CAST: variants seen among roughly 807,000 people sequenced by gnomAD.
The protein encoded by CAST is MIR583 host.
In CAST, 76 loss-of-function variants were observed where a neutral mutation model predicts 119.6. That is an observed-to-expected ratio of 0.64 (90% CI 0.53 to 0.77). CAST has a LOEUF of 0.77. Among genes scored for constraint, CAST ranks in the 30% least tolerant of loss-of-function variants. The pLI, the probability that CAST is intolerant of heterozygous loss-of-function variation, is 0.00. For synonymous variants in CAST, 319 were observed against 331.6 expected (o/e 0.96, Z 0.41); for missense variants, 953 against 946.5 (o/e 1.01, Z -0.09).
At chr5:96,017,185 A>G in the CAST span, among the ~76,000 whole-genome samples, 1 of 152,166 alleles carries the variant, frequency 6.6e-6, no homozygotes, top group Non-Finnish European at 1.5e-5. Context: ...TGGACCTCTG[A>G]CAAATATTGA....
At chr5:96,062,856 C>A in the CAST span, among the ~76,000 whole-genome samples, 1 of 152,052 alleles carries the variant, frequency 6.6e-6, no homozygotes, top group Non-Finnish European at 1.5e-5. Context: ...GTCTGGGTCA[C>A]CCCCCAAGTT....
At chr5:96,658,943 G>A (rs1246696879), upstream of CAST, among the ~76,000 whole-genome samples, 1 of 152,246 alleles carries the variant, frequency 6.6e-6, no homozygotes, top group Non-Finnish European at 1.5e-5. Context: ...CAAATGCGAT[G>A]TGGTATCTAC....
At chr5:96,041,138 A>G in the CAST span, among the ~76,000 whole-genome samples, 1 of 152,174 alleles carries the variant, frequency 6.6e-6, no homozygotes, top group South Asian at 2.1e-4. Context: ...GGTTGCTTAT[A>G]GTAACTTCCT....
At chr5:96,730,925 C>T (rs146147466) in intron 9 of CAST, 65 bp downstream of exon 9, 13 of 1,215,294 alleles carry the variant, frequency 1.1e-5, no homozygotes, top group Admixed American at 1.7e-5. Context: ...TTATGAGAAA[C>T]GTATGCTCAA....
the CAST span, among the ~76,000 whole-genome samples, chr5:96,205,195 T>C: frequency 2.0e-5 from 3 of 152,100 alleles, no homozygotes; most frequent in Non-Finnish European, 4.4e-5. Flanking sequence ...CCCCAGTCTG[T>C]AGCTTGTCTT....
chr5:96,024,571 T>C, the CAST span, among the ~76,000 whole-genome samples: 103 of 152,272 alleles, frequency 6.8e-4, no homozygotes, highest in African/African-American at 2.3e-3. Context: ...ATTTTTTTTT[T>C]CACAACAGAT....
At chr5:96,290,627 C>T in the CAST span, among the ~76,000 whole-genome samples, 2 of 152,160 alleles carry the variant, frequency 1.3e-5, no homozygotes, top group African/African-American at 4.8e-5. Flanking sequence ...CAGAGTGAAG[C>T]TCAAAGAACA....
the CAST span, among the ~76,000 whole-genome samples, chr5:96,329,090 T>C: frequency 6.6e-6 from 1 of 152,238 alleles, no homozygotes; most frequent in African/African-American, 2.4e-5. Flanking sequence ...TTATTATTAT[T>C]ACTATCTATC....
At chr5:96,333,785 TGA>T in the CAST span, among the ~76,000 whole-genome samples, 4 of 140,684 alleles carry the variant, frequency 2.8e-5, no homozygotes, top group African/African-American at 7.4e-5. Context: ...GAAGGCAAAA[TGA>T]GAGAGAACAG....
the CAST span, among the ~76,000 whole-genome samples, chr5:96,493,003 A>G: frequency 0.011 from 1,713 of 152,356 alleles, 17 homozygotes; most frequent in Non-Finnish European, 0.017. Context: ...TTTTACAAAA[A>G]CAAACAAAAA....
At chr5:96,741,435 G>A in intron 14 of CAST, 59 bp from the exon 15 acceptor site, 1 of 1,478,558 alleles carries the variant, frequency 6.8e-7, no homozygotes. Context: ...TTTAGTTCAG[G>A]CTATTACAGT....
upstream of CAST, among the ~76,000 whole-genome samples, chr5:96,525,005 T>G (rs1325303402): frequency 6.6e-6 from 1 of 152,216 alleles, no homozygotes; most frequent in Non-Finnish European, 1.5e-5. Context: ...TCTTCACTCC[T>G]CATCTTGCTT....
chr5:96,725,794 CTTG>C (rs1423322121), intron 4 of CAST, among the ~76,000 whole-genome samples: 1 of 152,142 alleles, frequency 6.6e-6, no homozygotes, highest in Non-Finnish European at 1.5e-5. Context: ...GCTTATTTTC[CTTG>C]TTAATCATTT....
chr5:96,062,709 C>T, the CAST span, among the ~76,000 whole-genome samples: 1 of 152,080 alleles, frequency 6.6e-6, no homozygotes, highest in African/African-American at 2.4e-5. Context: ...CTGCTGCTAC[C>T]CAATGGGGGT....
chr5:96,282,856 G>A, the CAST span, among the ~76,000 whole-genome samples: 16,733 of 151,996 alleles, frequency 0.11, 1,101 homozygotes, highest in East Asian at 0.21. Flanking sequence ...TTGGCCGGGC[G>A]CGGTGGCTCA....
intron 1 of CAST, among the ~76,000 whole-genome samples, chr5:96,593,141 T>C (rs1486389666): frequency 6.6e-6 from 1 of 152,242 alleles, no homozygotes; most frequent in Non-Finnish European, 1.5e-5. Flanking sequence ...TCCAATTCCA[T>C]CAAACTGCTG....
At chr5:96,126,379 C>A in the CAST span, among the ~76,000 whole-genome samples, 1 of 152,128 alleles carries the variant, frequency 6.6e-6, no homozygotes, top group East Asian at 1.9e-4. Flanking sequence ...TTGAATAACT[C>A]TTGGGAAAAA....
At chr5:96,115,536 C>G in the CAST span, among the ~76,000 whole-genome samples, 1 of 152,186 alleles carries the variant, frequency 6.6e-6, no homozygotes, top group Non-Finnish European at 1.5e-5. Flanking sequence ...CAAGGTGATA[C>G]TATTCAGTGG....
chr5:96,380,224 A>G, the CAST span, among the ~76,000 whole-genome samples: 1 of 152,288 alleles, frequency 6.6e-6, no homozygotes, highest in Admixed American at 6.5e-5. Context: ...TGCCTTAGTT[A>G]CACCAAACTG....
Sources: allele counts gnomAD v4.1 joint callset (sites outside exome capture counted in the v4.1 genomes callset), GRCh38; gene constraint gnomAD v4.1.1; transcripts MANE v1.5; gene names NCBI Gene and HGNC (gene_info 2026-07-23, HGNC 2026-07-21).